Variants in TCAIM observed in about 807,000 individuals in gnomAD.
TCAIM encodes T cell activation inhibitor, mitochondrial.
Under a neutral mutation model 58.6 loss-of-function variants are expected in TCAIM, and 36 were observed. The ratio of observed to expected loss-of-function variants is 0.61; its 90% CI spans 0.47 to 0.81. The LOEUF is 0.81. TCAIM is among the 30% of genes least tolerant of loss of function. TCAIM has a pLI of 0.00. For synonymous variants in TCAIM, 172 were observed against 193.6 expected, an observed-to-expected ratio of 0.89 and a Z score of 0.93; for missense variants, 466 against 579.6, an observed-to-expected ratio of 0.80 and a Z score of 2.01.
chr3:44,380,130 A>G (rs1268924215), intron 5 of TCAIM, among the ~76,000 whole-genome samples: 4 of 152,170 alleles, frequency 2.6e-5, no homozygotes, highest in African/African-American at 7.2e-5. Flanking sequence ...AAAGGAGGGG[A>G]AAATTTTCAG....
rs537057029 is a variant in TCAIM, at chr3:44,381,959, A to G, written c.573-10896A>G. ...GTAGTACAATGAAAACTATAAAAAC[A>G]TTTCTGAAAGAAATTAGAGAAGATA... On this transcript the variant is annotated intron_variant, in intron 5 of 10. Transcript: ENST00000342649. 7.2e-5 allele frequency among the ~76,000 whole-genome samples: 11 copies of G among 152,332 alleles called. No individual in the cohort carries two copies. The South Asian group carries it at 2.3e-3, about 32-fold the overall frequency.
At chr3:44,357,398 A>AGAGT (rs1701215868) in intron 2 of TCAIM, among the ~76,000 whole-genome samples, 1 of 151,512 alleles carries the variant, frequency 6.6e-6, no homozygotes, top group South Asian at 2.1e-4. Context: ...ATAGAAAGAG[A>AGAGT]ATTACACTAT....
intron 3 of TCAIM, chr3:44,358,522 C>G (rs1054041448): frequency 6.7e-6 from 3 of 447,526 alleles, no homozygotes; most frequent in African/African-American, 2.1e-5. Context: ...ATTCCCTGAA[C>G]AACACAGGAT....
At position 44,368,581 on chromosome 3, in the gene TCAIM, T is replaced by C. The variant is rs139307117; in HGVS notation, c.572+873T>C. ...TGTACCTACGTGTGATAGTCTATGATATTTGTCTATATGCATAACTGATGG... is the reference window on the plus strand; with the variant it reads ...TGTACCTACGTGTGATAGTCTATGACATTTGTCTATATGCATAACTGATGG... On this transcript the variant is annotated intron_variant, in intron 5 of 10. Transcript: ENST00000342649. Among the ~76,000 whole-genome samples the C allele has an allele frequency of 7.9e-5, 12 of 152,362 alleles. No homozygotes were observed. The East Asian group carries it at 2.3e-3, about 29-fold the overall frequency.
intron 10 of TCAIM, among the ~76,000 whole-genome samples, chr3:44,405,681 C>T (rs1702088844): frequency 6.6e-6 from 1 of 151,372 alleles, no homozygotes; most frequent in African/African-American, 2.4e-5. Flanking sequence ...CAAGGCCAGG[C>T]ACAGTGGCTC....
At chr3:44,359,144 G>A in intron 3 of TCAIM, 1 of 916,126 alleles carries the variant, frequency 1.1e-6, no homozygotes. Flanking sequence ...CCAGCTACTA[G>A]GGAGGCTGAG....
At position 44,375,115 on chromosome 3, in the gene TCAIM, GT is replaced by G. The variant is rs972021069; in HGVS notation, c.572+7414del. 6.2e-4 allele frequency among the ~76,000 whole-genome samples: 94 copies of G among 151,856 alleles called. 1 individual carries two copies. The highest frequency in any genetic ancestry group is 9.9e-4 in the Non-Finnish European group (67 of 67,936). ...TTCTTTTGGCTTCATTTTATTATCAGTTTTTTTCTTTTTATTTGGATCTTAT... is the reference window on the plus strand; with the variant it reads ...TTCTTTTGGCTTCATTTTATTATCAGTTTTTTCTTTTTATTTGGATCTTAT... On this transcript the variant is annotated intron_variant, in intron 5 of 10. Coordinates refer to ENST00000342649, the MANE Select transcript of TCAIM (RefSeq NM_173826.4).
intron 1 of TCAIM, among the ~76,000 whole-genome samples, chr3:44,346,632 G>A (rs781734241): frequency 3.9e-5 from 6 of 152,236 alleles, no homozygotes; most frequent in Admixed American, 6.5e-5. Context: ...AGGCACGCTA[G>A]CGGCTTGTAA....
In TCAIM at chr3:44,405,951, CAAAAAAAAA is replaced by C. The variant is rs10579882; in HGVS notation, c.1251-1478_1251-1470del. ...TGGGCGACAGAGCAAGACTCCATCT[CAAAAAAAAA>C]AAAAAAAAAAAATTAATCTCATGCT... On this transcript the variant is annotated intron_variant, in intron 10 of 10. Coordinates refer to ENST00000342649, the MANE Select transcript of TCAIM (RefSeq NM_173826.4). Among the ~76,000 whole-genome samples, 11 of 113,014 alleles carry C rather than the reference CAAAAAAAAA, an allele frequency of 9.7e-5. No homozygotes were observed. The Admixed American group carries it at 1.1e-3, about 11-fold the overall frequency. The allele number at this position is 113,014 out of a possible 152,430, so 74.1% of individuals were successfully genotyped here.
Position 44,400,347 on chromosome 3 carries a change from C to T in TCAIM, c.886-8C>T. 6.2e-7 allele frequency: 1 copy of T among 1,605,146 alleles called. No homozygotes were observed. The highest frequency in any genetic ancestry group is 8.5e-7 in the Non-Finnish European group (1 of 1,173,134). On this transcript the variant is annotated splice_polypyrimidine_tract_variant and splice_region_variant and intron_variant, in intron 8 of 10. Coordinates refer to ENST00000342649, the MANE Select transcript of TCAIM (RefSeq NM_173826.4). ...CTAATTATTTCTTTCCCTTTGTTAACACTGTAGCTTTTTGAAAGATTGCCA... is the reference window on the plus strand; with the variant it reads ...CTAATTATTTCTTTCCCTTTGTTAATACTGTAGCTTTTTGAAAGATTGCCA...
intron 1 of TCAIM, among the ~76,000 whole-genome samples, chr3:44,350,667 A>G (rs1276052457): frequency 2.6e-5 from 4 of 152,140 alleles, no homozygotes; most frequent in African/African-American, 7.2e-5. Flanking sequence ...GCCTGAAGCA[A>G]TACTCCTGCT....
At chr3:44,366,412 C>T (rs1338175140) in intron 4 of TCAIM, among the ~76,000 whole-genome samples, 3 of 150,058 alleles carry the variant, frequency 2.0e-5, no homozygotes, top group Non-Finnish European at 3.0e-5. Flanking sequence ...CTCAGCCTCC[C>T]GAGTACTTGG....
intron 5 of TCAIM, among the ~76,000 whole-genome samples, chr3:44,372,422 G>C (rs1405897596): frequency 6.6e-6 from 1 of 152,014 alleles, no homozygotes; most frequent in Non-Finnish European, 1.5e-5. Flanking sequence ...TTTTATTCAT[G>C]TATTGTTTAA....
chr3:44,397,838 A>G (rs1267063530), intron 8 of TCAIM, among the ~76,000 whole-genome samples: 2 of 152,186 alleles, frequency 1.3e-5, no homozygotes, highest in African/African-American at 4.8e-5. Context: ...TGTCATCCAC[A>G]TATCTTCTTT....
Position 44,407,719 on chromosome 3 carries a change from A to T in TCAIM, c.*37A>T. 1.3e-6 allele frequency: 2 copies of T among 1,521,516 alleles called. No homozygotes were observed. Among genetic ancestry groups the T allele is most frequent in the Non-Finnish European group, 1.8e-6 (2 of 1,135,768 alleles). The allele number at this position is 1,521,516 out of a possible 1,614,324, so 94.3% of individuals were successfully genotyped here. A position where few individuals can be genotyped will look rare whatever the true frequency, so the allele number is the denominator to read the frequency against. On this transcript the variant is annotated 3_prime_UTR_variant, in exon 11 of 11. Coordinates refer to ENST00000342649, the MANE Select transcript of TCAIM (RefSeq NM_173826.4). ...GTTTTATTTTTTTAAGAGATAAGAA[A>T]GGAACTTAAATTAAAAATATTTAAA...
chr3:44,343,759 G>C (rs772861483), intron 1 of TCAIM, among the ~76,000 whole-genome samples: 2 of 152,070 alleles, frequency 1.3e-5, no homozygotes, highest in Non-Finnish European at 2.9e-5. Flanking sequence ...TTCTCAACCT[G>C]TCATTTTTTT....
chr3:44,385,011 C>A (rs1320804853), intron 5 of TCAIM, among the ~76,000 whole-genome samples: 1 of 152,138 alleles, frequency 6.6e-6, no homozygotes, highest in Non-Finnish European at 1.5e-5. Context: ...AACAAGTCAG[C>A]CAGAATGCCT....
At position 44,408,069 on chromosome 3, in the gene TCAIM, G is replaced by C. The variant is rs1367517863; in HGVS notation, c.*387G>C. On this transcript the variant is annotated 3_prime_UTR_variant, in exon 11 of 11. Transcript: ENST00000342649. ...AAAAGATTTTATATCCCAGTCTTAT[G>C]ATGTTGGTTGGCAAGGCTAGATAAA... is the stretch of plus-strand genomic sequence containing the variant. The C allele has an allele frequency of 6.5e-6, 1 of 152,786 alleles. No homozygotes were observed. Among genetic ancestry groups the C allele is most frequent in the Non-Finnish European group, 1.5e-5 (1 of 68,520 alleles). 9.5% of individuals were successfully genotyped at this position (152,786 alleles called of 1,614,324 possible).
chr3:44,398,837 C>G (rs1701979674), intron 8 of TCAIM, among the ~76,000 whole-genome samples: 1 of 152,108 alleles, frequency 6.6e-6, no homozygotes. Context: ...TTCTACTCAG[C>G]AATGAAAAGG....
Sources: allele counts gnomAD v4.1 joint callset (sites outside exome capture counted in the v4.1 genomes callset), GRCh38; gene constraint gnomAD v4.1.1; transcripts MANE v1.5; gene names NCBI Gene and HGNC (gene_info 2026-07-23, HGNC 2026-07-21).